Variants in MAP4K5 observed in about 807,000 individuals in gnomAD.
MAP4K5 encodes MAPK/ERK kinase kinase kinase 5.
In MAP4K5, 82 loss-of-function variants were observed where a neutral mutation model predicts 135.6. The ratio of observed to expected loss-of-function variants is 0.60; its 90% CI spans 0.51 to 0.73. MAP4K5 has a LOEUF of 0.73. Among genes scored for constraint, MAP4K5 ranks in the 30% least tolerant of loss-of-function variants. The pLI is 0.00. For synonymous variants in MAP4K5, 347 were observed against 335.0 expected, an observed-to-expected ratio of 1.04 and a Z score of -0.39; for missense variants, 907 against 1,010.9, an observed-to-expected ratio of 0.90 and a Z score of 1.39.
At chr14:50,508,163 T>C (rs1035490408) in intron 2 of MAP4K5, among the ~76,000 whole-genome samples, 1 of 152,212 alleles carries the variant, frequency 6.6e-6, no homozygotes, top group African/African-American at 2.4e-5. Context: ...GAGACTAGGA[T>C]TGCAACCCCT....
intron 23 of MAP4K5, among the ~76,000 whole-genome samples, chr14:50,439,366 T>C (rs2036173438): frequency 6.8e-6 from 1 of 146,102 alleles, no homozygotes; most frequent in Non-Finnish European, 1.5e-5. Flanking sequence ...AAACACCACC[T>C]ACCCACCCGT....
At chr14:50,508,067 C>T (rs537633897) in intron 2 of MAP4K5, among the ~76,000 whole-genome samples, 1 of 152,234 alleles carries the variant, frequency 6.6e-6, no homozygotes, top group Admixed American at 6.5e-5. Flanking sequence ...ATAGTTAGCT[C>T]TTCTTGTTGA....
At chr14:50,527,589 T>A (rs537474150) in intron 2 of MAP4K5, among the ~76,000 whole-genome samples, 34 of 152,270 alleles carry the variant, frequency 2.2e-4, no homozygotes, top group Admixed American at 6.5e-4. Context: ...TAAACTGTAT[T>A]AAATTATTAG....
chr14:50,437,613 T>C (rs2036126189), intron 25 of MAP4K5, 79 bp from the exon 26 acceptor site: 11 of 1,014,880 alleles, frequency 1.1e-5, no homozygotes, highest in African/African-American at 3.3e-5. Context: ...TGCATCAGAA[T>C]CAGACAGAAA....
intron 14 of MAP4K5, 68 bp from the exon 15 acceptor site, chr14:50,448,900 C>T: frequency 1.7e-6 from 1 of 580,616 alleles, no homozygotes; most frequent in South Asian, 2.0e-5. Flanking sequence ...AATGTAATGA[C>T]AAGTTTGTAT....
At chr14:50,518,046 G>A (rs962218756) in intron 2 of MAP4K5, among the ~76,000 whole-genome samples, 5 of 152,088 alleles carry the variant, frequency 3.3e-5, no homozygotes, top group Non-Finnish European at 7.4e-5. Context: ...AAAAATATCT[G>A]TACCTGCCCT....
chr14:50,438,386 T>C (rs190522258), intron 23 of MAP4K5: 4 of 184,640 alleles, frequency 2.2e-5, no homozygotes, highest in Non-Finnish European at 4.5e-5. Flanking sequence ...TCTATAAAGC[T>C]ATATTATTAT....
At position 50,458,375 on chromosome 14, in the gene MAP4K5, C is replaced by T. The variant is rs573518318; in HGVS notation, c.937-1781G>A. On this transcript the variant is annotated intron_variant, in intron 13 of 32. Transcript: ENST00000682126. ...TTCAAGCAATGCCCCCCACCACACA[C>T]ACAAAAAAATCCTTCTCCAGCTTAT... Among the ~76,000 whole-genome samples the T allele has an allele frequency of 2.0e-5, 3 of 152,154 alleles. No individual in the cohort carries two copies. The South Asian group carries it at 6.2e-4, about 32-fold the overall frequency.
intron 1 of MAP4K5, 25 bp from the exon 2 acceptor site, chr14:50,532,183 G>A: frequency 1.6e-6 from 1 of 621,918 alleles, no homozygotes; most frequent in African/African-American, 1.9e-5. Flanking sequence ...AGCAAAGGCT[G>A]GTTGGCGTCG....
chr14:50,459,213 C>A (rs559467191), intron 13 of MAP4K5, among the ~76,000 whole-genome samples: 12 of 152,294 alleles, frequency 7.9e-5, no homozygotes, highest in African/African-American at 2.9e-4. Context: ...GCAACATCTT[C>A]TTCAGTATAA....
At chr14:50,474,756 A>G (rs2037058053) in intron 9 of MAP4K5, among the ~76,000 whole-genome samples, 1 of 152,220 alleles carries the variant, frequency 6.6e-6, no homozygotes, top group Non-Finnish European at 1.5e-5. Context: ...ATAAAGTGGA[A>G]AAGTCCTAGA....
intron 1 of MAP4K5, among the ~76,000 whole-genome samples, chr14:50,545,306 G>A (rs1409986528): frequency 6.6e-6 from 1 of 152,136 alleles, no homozygotes; most frequent in Non-Finnish European, 1.5e-5. Flanking sequence ...TCACGTTTTG[G>A]TCTCAGCTCC....
At chr14:50,474,887 C>T (rs1370076441) in intron 9 of MAP4K5, among the ~76,000 whole-genome samples, 190 bp downstream of exon 9, 1 of 152,204 alleles carries the variant, frequency 6.6e-6, no homozygotes, top group Non-Finnish European at 1.5e-5. Context: ...ATTAGCACTT[C>T]TACAGAGGGA....
chr14:50,475,584 G>A (rs1200659359), intron 8 of MAP4K5, among the ~76,000 whole-genome samples: 1 of 151,950 alleles, frequency 6.6e-6, no homozygotes, highest in Non-Finnish European at 1.5e-5. Flanking sequence ...TGATTGTATT[G>A]TAATCCCTGC....
chr14:50,494,456 G>A (rs997825456), intron 3 of MAP4K5, among the ~76,000 whole-genome samples: 13 of 151,930 alleles, frequency 8.6e-5, no homozygotes, highest in African/African-American at 3.1e-4. Context: ...GTGAGCCACC[G>A]TGCCCAACCC....
At chr14:50,447,355 C>T in intron 16 of MAP4K5, 59 bp downstream of exon 16, 2 of 983,862 alleles carry the variant, frequency 2.0e-6, no homozygotes, top group Non-Finnish European at 3.0e-6. Context: ...AATCACATGC[C>T]CCATACTGTT....
intron 1 of MAP4K5, among the ~76,000 whole-genome samples, chr14:50,554,833 C>T (rs1307115653): frequency 1.3e-5 from 2 of 152,156 alleles, no homozygotes; most frequent in Admixed American, 6.5e-5. Context: ...CTGAGTCATT[C>T]TTCAGTCTCT....
At chr14:50,445,723 C>T (rs1472345325) in intron 17 of MAP4K5, among the ~76,000 whole-genome samples, 8 of 152,140 alleles carry the variant, frequency 5.3e-5, no homozygotes, top group Non-Finnish European at 1.0e-4. Flanking sequence ...GCATACGCCA[C>T]CATGCCCAGC....
intron 28 of MAP4K5, among the ~76,000 whole-genome samples, chr14:50,433,755 A>G (rs2036026890): frequency 6.6e-6 from 1 of 152,244 alleles, no homozygotes; most frequent in African/African-American, 2.4e-5. Context: ...ATGGCCTAAT[A>G]AACCTGGATT....
Sources: allele counts gnomAD v4.1 joint callset (sites outside exome capture counted in the v4.1 genomes callset), GRCh38; gene constraint gnomAD v4.1.1; transcripts MANE v1.5; gene names NCBI Gene and HGNC (gene_info 2026-07-23, HGNC 2026-07-21).